Variants in CWH43 observed in about 807,000 individuals in gnomAD.
The protein encoded by CWH43 is cell wall biogenesis 43 C-terminal homolog, also known as PGAP2-interacting protein.
Under a neutral mutation model 85.7 loss-of-function variants are expected in CWH43, and 91 were observed. The observed-to-expected ratio is 1.06, with a 90% CI of 0.90 to 1.26. The LOEUF is 1.26. Ranked by LOEUF, CWH43 falls within the 50% of genes most tolerant of loss-of-function variation. CWH43 has a pLI of 0.00. For missense variants in CWH43, 869 were observed against 839.2 expected (o/e 1.04, Z -0.44); for synonymous variants, 323 against 293.6 (o/e 1.10, Z -1.02).
At chr4:49,051,414 C>T (rs1784794046) in intron 15 of CWH43, among the ~76,000 whole-genome samples, 2 of 152,182 alleles carry the variant, frequency 1.3e-5, no homozygotes, top group South Asian at 2.1e-4. Context: ...AATACCACTG[C>T]CTGGGCCCCA....
intron 9 of CWH43, 111 bp downstream of exon 9, chr4:49,017,439 G>C (rs149149699): frequency 2.9e-6 from 2 of 699,772 alleles, no homozygotes; most frequent in Non-Finnish European, 4.7e-6. Context: ...CAGAGCCCTG[G>C]GCCCTATCTC....
At chr4:49,012,015 G>A (rs573207311) in intron 8 of CWH43, among the ~76,000 whole-genome samples, 1 of 152,098 alleles carries the variant, frequency 6.6e-6, no homozygotes, top group Non-Finnish European at 1.5e-5. Context: ...TTTGAATGTT[G>A]GCTTGCCTTG....
intron 13 of CWH43, among the ~76,000 whole-genome samples, chr4:49,042,621 T>C (rs1009514829): frequency 6.6e-6 from 1 of 152,106 alleles, no homozygotes; most frequent in African/African-American, 2.4e-5. Flanking sequence ...TGAGTGGTAT[T>C]GCTAGTAATT....
intron 13 of CWH43, among the ~76,000 whole-genome samples, chr4:49,039,658 A>C (rs1170707145): frequency 6.6e-6 from 1 of 151,582 alleles, no homozygotes; most frequent in Non-Finnish European, 1.5e-5. Context: ...TTTGGATGAC[A>C]GGTTAAAGAG....
intron 2 of CWH43, 75 bp from the exon 3 acceptor site, chr4:48,991,379 A>G (rs1782649173): frequency 1.3e-6 from 2 of 1,513,552 alleles, no homozygotes; most frequent in Non-Finnish European, 1.8e-6. Context: ...ATCAGATAAC[A>G]TGCATCAAAT....
intron 5 of CWH43, among the ~76,000 whole-genome samples, chr4:48,996,849 T>A (rs1479426625): frequency 6.6e-6 from 1 of 152,202 alleles, no homozygotes; most frequent in Non-Finnish European, 1.5e-5. Context: ...TAATCCTGTA[T>A]GTTAGAATGA....
At chr4:49,027,263 G>C (rs940467893) in intron 9 of CWH43, among the ~76,000 whole-genome samples, 1 of 152,220 alleles carries the variant, frequency 6.6e-6, no homozygotes, top group Non-Finnish European at 1.5e-5. Flanking sequence ...GATAGGATTG[G>C]CTGAGAGGGT....
chr4:49,060,380 G>A (rs35126995), intron 15 of CWH43, among the ~76,000 whole-genome samples: 275 of 152,168 alleles, frequency 1.8e-3, no homozygotes, highest in Non-Finnish European at 2.1e-3. Flanking sequence ...CCAGTCTGGA[G>A]CCTTGGGTGG....
rs1055682405 is a variant in CWH43 at position 48,992,832 on chromosome 4, A to C, written c.511+742A>C. ...GAAGTTTAGAGGGTATTGGCTCACC[A>C]AAAAGTGCTTGTATAATTCCCCCTG... On this transcript the variant is annotated intron_variant, in intron 4 of 15. Coordinates refer to ENST00000226432, the MANE Select transcript of CWH43 (RefSeq NM_025087.3). This position sits in a 1 kb window ranked among gnomAD's most constrained non-coding sequence, Gnocchi z 4.3. 6.6e-6 allele frequency among the ~76,000 whole-genome samples: 1 copy of C among 152,204 alleles called. No homozygotes were observed. Among genetic ancestry groups the C allele is most frequent in the African/African-American group, 2.4e-5 (1 of 41,446 alleles).
At chr4:49,009,878 C>G (rs751814794) in intron 8 of CWH43, among the ~76,000 whole-genome samples, 2 of 151,986 alleles carry the variant, frequency 1.3e-5, no homozygotes, top group South Asian at 4.2e-4. Context: ...TTTGGTTTGC[C>G]AGTATTTTAT....
At chr4:49,033,330 A>T (rs1784160824) in intron 12 of CWH43, among the ~76,000 whole-genome samples, 1 of 152,210 alleles carries the variant, frequency 6.6e-6, no homozygotes, top group South Asian at 2.1e-4. Context: ...AATACTGATA[A>T]GCCTATTTGG....
chr4:49,028,500 G>A (rs1397411866), intron 9 of CWH43, 129 bp from the exon 10 acceptor site: 6 of 601,526 alleles, frequency 1.0e-5, no homozygotes, highest in African/African-American at 5.6e-5. Flanking sequence ...TGGATTAAAT[G>A]TGGGAAAATG....
At position 48,998,568 on chromosome 4, in the gene CWH43, A is replaced by G. The variant is rs374173676; in HGVS notation, c.802+20A>G. The G allele has an allele frequency of 4.8e-5, 75 of 1,551,414 alleles. No homozygotes were observed. Among genetic ancestry groups the G allele is most frequent in the South Asian group, 1.0e-4 (9 of 89,812 alleles). ...TTACAGGTATGTGGAATTTACCTGCAGATAGAACACGACTGAGCTTGGTTA... is the reference window on the plus strand; with the variant it reads ...TTACAGGTATGTGGAATTTACCTGCGGATAGAACACGACTGAGCTTGGTTA... On this transcript the variant is annotated intron_variant, in intron 6 of 15. Coordinates refer to ENST00000226432, the MANE Select transcript of CWH43 (RefSeq NM_025087.3).
intron 1 of CWH43, 140 bp from the exon 2 acceptor site, chr4:48,988,337 G>A: frequency 2.1e-6 from 1 of 477,872 alleles, no homozygotes. Flanking sequence ...CCATGTCAGT[G>A]GAGACAACTG....
At position 49,007,498 on chromosome 4, in the gene CWH43, T is replaced by G. The variant is rs554405046; in HGVS notation, c.1186+172T>G. Among the ~76,000 whole-genome samples, 4 of 152,318 alleles carry G rather than the reference T, an allele frequency of 2.6e-5. No homozygotes were observed. The East Asian group carries it at 7.7e-4, about 29-fold the overall frequency. On this transcript the variant is annotated intron_variant, in intron 8 of 15. Transcript: ENST00000226432. ...CTAGTTTTTTTAAAAAATTATACTT[T>G]AAGTTCTAGGGTACATGTGCACAAC...
intron 12 of CWH43, among the ~76,000 whole-genome samples, chr4:49,034,204 C>T (rs757091556): frequency 1.3e-5 from 2 of 151,758 alleles, no homozygotes; most frequent in Non-Finnish European, 1.5e-5. Flanking sequence ...TCTTTTTTTC[C>T]CAGTGATTTT....
intron 10 of CWH43, among the ~76,000 whole-genome samples, chr4:49,030,346 C>G (rs1560503967): frequency 6.6e-6 from 1 of 152,180 alleles, no homozygotes; most frequent in Non-Finnish European, 1.5e-5. Context: ...TGTAATACCA[C>G]TAAGACATTT....
At chr4:49,032,764 A>G (rs1784140806) in intron 12 of CWH43, 49 bp downstream of exon 12, 1 of 1,594,416 alleles carries the variant, frequency 6.3e-7, no homozygotes, top group Non-Finnish European at 8.6e-7. Context: ...AAGAAATGTT[A>G]TTAACAATGT....
At chr4:48,991,048 A>G (rs1342618757) in intron 2 of CWH43, among the ~76,000 whole-genome samples, 1 of 152,220 alleles carries the variant, frequency 6.6e-6, no homozygotes, top group Non-Finnish European at 1.5e-5. Flanking sequence ...CATATTGTAC[A>G]ATTTAATATG....
Sources: gnomAD v4.1 joint callset for allele counts (sites outside exome capture counted in the v4.1 genomes callset) on GRCh38, gnomAD v4.1.1 for gene constraint, Gnocchi (gnomAD v3.1) non-coding constraint, MANE v1.5 for transcripts, NCBI Gene and HGNC (gene_info 2026-07-23, HGNC 2026-07-21) for gene names.